The following CHRM3 variants were observed in gnomAD, a reference collection of about 807,000 sequenced individuals.
CHRM3 encodes cholinergic receptor muscarinic 3, also known as muscarinic acetylcholine receptor M3.
A neutral mutation model predicts 41.8 loss-of-function variants in CHRM3; 11 were observed. The ratio of observed to expected loss-of-function variants is 0.26; its 90% CI spans 0.17 to 0.44. CHRM3 has a LOEUF of 0.44. Ranked by LOEUF, CHRM3 falls within the 20% of genes least tolerant of loss-of-function variation. CHRM3 has a pLI of 1.00. For missense variants in CHRM3, 571 were observed against 745.4 expected (o/e 0.77, Z 2.72); for synonymous variants, 297 against 301.4 (o/e 0.99, Z 0.15).
intron 1 of CHRM3, among the ~76,000 whole-genome samples, chr1:239,478,841 A>G (rs1173094606): frequency 1.3e-5 from 2 of 152,136 alleles, no homozygotes. Context: ...CAGAATGAGG[A>G]AGAAGAATAT....
chr1:239,801,922 G>C (rs1212787224), intron 5 of CHRM3, among the ~76,000 whole-genome samples: 1 of 152,044 alleles, frequency 6.6e-6, no homozygotes, highest in Admixed American at 6.6e-5. Context: ...GCTCATCCTG[G>C]GACAAGGACA....
At chr1:239,865,693 C>A (rs1226320492) in intron 6 of CHRM3, among the ~76,000 whole-genome samples, 1 of 152,132 alleles carries the variant, frequency 6.6e-6, no homozygotes, top group Non-Finnish European at 1.5e-5. Flanking sequence ...TCAAGGGTAG[C>A]AATATTGGGA....
intron 1 of CHRM3, among the ~76,000 whole-genome samples, chr1:239,406,441 T>A (rs1448266497): frequency 6.6e-6 from 1 of 152,134 alleles, no homozygotes; most frequent in Non-Finnish European, 1.5e-5. Context: ...TGATCCACCA[T>A]CAGCTATAGG....
intron 4 of CHRM3, among the ~76,000 whole-genome samples, chr1:239,637,421 T>A (rs1000566748): frequency 6.6e-6 from 1 of 151,848 alleles, no homozygotes; most frequent in Non-Finnish European, 1.5e-5. Context: ...ATATCTTCCT[T>A]AGAATATAGT....
chr1:239,758,223 A>T (rs993640876), intron 5 of CHRM3, among the ~76,000 whole-genome samples: 1 of 152,192 alleles, frequency 6.6e-6, no homozygotes, highest in African/African-American at 2.4e-5. Context: ...ATGTCTCAAA[A>T]TATTAGTTAG....
intron 5 of CHRM3, among the ~76,000 whole-genome samples, chr1:239,825,501 G>A (rs772997529): frequency 3.3e-5 from 5 of 152,048 alleles, no homozygotes; most frequent in Non-Finnish European, 7.4e-5. Context: ...AGTTCTCGTG[G>A]TGTATGTATG....
chr1:239,865,815 T>C (rs1676042651), intron 6 of CHRM3, among the ~76,000 whole-genome samples: 1 of 152,100 alleles, frequency 6.6e-6, no homozygotes, highest in Admixed American at 6.6e-5. Flanking sequence ...GAAGAATAAA[T>C]GTAAAGGAAA....
intron 6 of CHRM3, among the ~76,000 whole-genome samples, chr1:239,859,178 T>TAAGATGG (rs1436295610): frequency 6.6e-6 from 1 of 152,232 alleles, no homozygotes; most frequent in African/African-American, 2.4e-5. Flanking sequence ...GACTGTTTTC[T>TAAGATGG]AAGATGGCTG....
intron 3 of CHRM3, among the ~76,000 whole-genome samples, chr1:239,559,568 A>T (rs946340518): frequency 6.6e-6 from 1 of 152,192 alleles, no homozygotes; most frequent in Non-Finnish European, 1.5e-5. Flanking sequence ...ATAAGATTTC[A>T]GGGAAAGTTA....
chr1:239,491,519 T>G (rs943241484), intron 1 of CHRM3, among the ~76,000 whole-genome samples: 1 of 152,370 alleles, frequency 6.6e-6, no homozygotes, highest in Non-Finnish European at 1.5e-5. Flanking sequence ...TGACAGAATT[T>G]TATTCCTTTT....
At chr1:239,720,409 CAAAAAAACCTA>C (rs1239452512) in intron 5 of CHRM3, among the ~76,000 whole-genome samples, 3 of 151,578 alleles carry the variant, frequency 2.0e-5, no homozygotes, top group Admixed American at 2.0e-4. Context: ...TCTGAAACCC[CAAAAAAACCTA>C]AATTAAAGTA....
chr1:239,601,773 G>A (rs942144668), intron 3 of CHRM3, among the ~76,000 whole-genome samples: 1 of 152,002 alleles, frequency 6.6e-6, no homozygotes, highest in Non-Finnish European at 1.5e-5. Context: ...TTGTTATTTA[G>A]ACCCTTTTGT....
intron 6 of CHRM3, among the ~76,000 whole-genome samples, chr1:239,878,148 C>A (rs1677276582): frequency 6.6e-6 from 1 of 151,738 alleles, no homozygotes; most frequent in South Asian, 2.1e-4. Flanking sequence ...CTTCGGCCTC[C>A]CAAAGTGTTT....
intron 5 of CHRM3, among the ~76,000 whole-genome samples, chr1:239,750,951 G>T (rs1241347963): frequency 1.3e-5 from 2 of 152,132 alleles, no homozygotes; most frequent in East Asian, 1.9e-4. Flanking sequence ...AAGGAGTCCA[G>T]GTGAGGTGGC....
chr1:239,719,630 C>T (rs990582268), intron 5 of CHRM3: 3 of 151,902 alleles, frequency 2.0e-5, no homozygotes, highest in African/African-American at 4.8e-5. Flanking sequence ...ATTATGAACA[C>T]ATTTTCAGCA....
At chr1:239,565,287 C>T (rs1661245594) in intron 3 of CHRM3, among the ~76,000 whole-genome samples, 1 of 152,190 alleles carries the variant, frequency 6.6e-6, no homozygotes, top group Admixed American at 6.5e-5. Context: ...GACCATGATT[C>T]ATCCTACTAC....
intron 6 of CHRM3, among the ~76,000 whole-genome samples, chr1:239,861,218 T>C (rs1264605537): frequency 6.6e-6 from 1 of 152,130 alleles, no homozygotes; most frequent in Non-Finnish European, 1.5e-5. Flanking sequence ...ATTAGTCTAA[T>C]AATCACATAA....
intron 5 of CHRM3, among the ~76,000 whole-genome samples, chr1:239,699,375 C>G (rs769434102): frequency 6.6e-6 from 1 of 151,914 alleles, no homozygotes; most frequent in Non-Finnish European, 1.5e-5. Flanking sequence ...GGATTAGAGC[C>G]CTTATAAGAA....
intron 5 of CHRM3, among the ~76,000 whole-genome samples, chr1:239,815,572 C>A (rs907626907): frequency 1.3e-5 from 2 of 152,112 alleles, no homozygotes; most frequent in Non-Finnish European, 2.9e-5. Flanking sequence ...AAGCTTACAT[C>A]TTGCAAAAAA....
Sources: gnomAD v4.1 joint callset for allele counts (sites outside exome capture counted in the v4.1 genomes callset) on GRCh38, gnomAD v4.1.1 for gene constraint, MANE v1.5 for transcripts, NCBI Gene and HGNC (gene_info 2026-07-23, HGNC 2026-07-21) for gene names.